The following AMMECR1 variants were observed in gnomAD, a reference collection of about 807,000 sequenced individuals.
AMMECR1 encodes the protein nuclear protein AMMECR1.
Under a neutral mutation model 22.5 loss-of-function variants are expected in AMMECR1, and 3 were observed. The observed-to-expected ratio is 0.13, with a 90% CI of 0.06 to 0.35. The LOEUF (loss-of-function observed/expected upper bound fraction) is 0.35. Among genes scored for constraint, AMMECR1 ranks in the 10% least tolerant of loss-of-function variants. The pLI is 1.00. For synonymous variants in AMMECR1, 130 were observed against 116.7 expected, an observed-to-expected ratio of 1.11 and a Z score of -0.74; for missense variants, 235 against 278.7, an observed-to-expected ratio of 0.84 and a Z score of 1.12.
intron 1 of AMMECR1, among the ~76,000 whole-genome samples, chrX:110,276,092 T>G (rs1450861505): frequency 9.0e-6 from 1 of 111,278 alleles, no homozygotes; most frequent in Admixed American, 9.6e-5. Context: ...TTTTCTATTC[T>G]GTTTCAGATT....
chrX:110,224,535 G>GAT (rs1266778549), intron 2 of AMMECR1, among the ~76,000 whole-genome samples: 14 of 108,788 alleles, frequency 1.3e-4, no homozygotes, highest in African/African-American at 4.5e-4. Flanking sequence ...ATAAAAAAAA[G>GAT]ATATATATAT....
intron 2 of AMMECR1, among the ~76,000 whole-genome samples, chrX:110,258,538 T>G (rs1163999403): frequency 8.9e-6 from 1 of 112,131 alleles, no homozygotes; most frequent in Non-Finnish European, 1.9e-5. Context: ...AACTATCAAA[T>G]TAGGTATAAG....
intron 2 of AMMECR1, among the ~76,000 whole-genome samples, chrX:110,418,649 T>C (rs112527037): frequency 0.017 from 1,939 of 111,486 alleles, 42 homozygotes; most frequent in African/African-American, 0.058. Flanking sequence ...TCCAACCATG[T>C]CTTGACCTCC....
At chrX:110,257,487 T>C (rs2067716786) in intron 2 of AMMECR1, among the ~76,000 whole-genome samples, 1 of 111,997 alleles carries the variant, frequency 8.9e-6, no homozygotes, top group Admixed American at 9.4e-5. Flanking sequence ...AAGATCATTT[T>C]CCCCTTTAAA....
At position 110,339,973 on chromosome X, in the gene AMMECR1, TACACACACACACACACACAC is replaced by T. The variant is rs35459612; in HGVS notation, c.-147-22144_-147-22125del. Among the ~76,000 whole-genome samples, 9 of 78,796 alleles carry T rather than the reference TACACACACACACACACACAC, an allele frequency of 1.1e-4. No homozygotes were observed. The South Asian group carries it at 1.9e-3, about 17-fold the overall frequency. The allele number at this position is 78,796 out of a possible 115,157, so 68.4% of individuals were successfully genotyped here. ...TTTTGCTGTAGTTGAAGGCAAAACA[TACACACACACACACACACAC>T]ACACACACACACACACACACACACA... On this transcript the variant is annotated intron_variant, in intron 2 of 7. Coordinates refer to the AMMECR1 transcript ENST00000372057.
At chrX:110,244,345 T>C (rs1342660021) in intron 2 of AMMECR1, among the ~76,000 whole-genome samples, 1 of 111,721 alleles carries the variant, frequency 9.0e-6, no homozygotes, top group African/African-American at 3.3e-5. Flanking sequence ...GGGATGTAAC[T>C]TGGGCTGCTT....
intron 2 of AMMECR1, among the ~76,000 whole-genome samples, chrX:110,374,804 T>G (rs2068364649): frequency 9.3e-6 from 1 of 107,846 alleles, no homozygotes. Flanking sequence ...GAGCTTGGGG[T>G]GGATATGTGG....
At chrX:110,258,941 A>G (rs2067724465) in intron 2 of AMMECR1, among the ~76,000 whole-genome samples, 1 of 112,042 alleles carries the variant, frequency 8.9e-6, no homozygotes, top group South Asian at 3.7e-4. Flanking sequence ...TATGACAGGG[A>G]AAATATTATG....
Position 110,230,019 on chromosome X carries a change from G to C in AMMECR1, c.585-13387C>G, listed in dbSNP as rs192269504. Among the ~76,000 whole-genome samples, 9 of 112,999 alleles carry C rather than the reference G, an allele frequency of 8.0e-5. No homozygotes were observed. The East Asian group carries it at 2.5e-3, about 32-fold the overall frequency. ...GCAGCCAGGAAGCTCGAACTGGGCG[G>C]AGCCCACCTCAGCTCAACAACGCCT... On this transcript the variant is annotated intron_variant, in intron 2 of 5. Transcript: ENST00000262844.
In AMMECR1 at chrX:110,359,444, A is replaced by T. The variant is rs766766828; in HGVS notation, c.-147-41595T>A. Among the ~76,000 whole-genome samples, 26 of 110,802 alleles carry T rather than the reference A, an allele frequency of 2.3e-4. No homozygotes were observed. In the South Asian group the frequency reaches 5.8e-3, roughly 25 times the overall value. On this transcript the variant is annotated intron_variant, in intron 2 of 7. Coordinates refer to the AMMECR1 transcript ENST00000372057. ...TTTTTTCCATAAATTATCCCATCTC[A>T]ACTTGGGAAGTCACAATGGGAAGTA...
In AMMECR1 at chrX:110,195,880, A is replaced by G. The variant is rs769623108; in HGVS notation, c.*2640T>C. On this transcript the variant is annotated 3_prime_UTR_variant, in exon 6 of 6. Transcript: ENST00000262844. ...TTTGTATAACACCCTTTACACTACA[A>G]AGTCTTTTAGTCAAAAGCTACTTAG... 1 of 112,114 alleles carries G rather than the reference A, an allele frequency of 8.9e-6. No individual in the cohort carries two copies. The highest frequency in any genetic ancestry group is 3.7e-4 in the South Asian group (1 of 2,688). 9.2% of individuals were successfully genotyped at this position (112,114 alleles called of 1,213,427 possible).
rs759498096 is a variant in AMMECR1, at chrX:110,198,980, T to C, written c.888-346A>G. On this transcript the variant is annotated intron_variant, in intron 5 of 5. Coordinates refer to ENST00000262844, the MANE Select transcript of AMMECR1 (RefSeq NM_015365.3). ...AGAAATCTTCCACCTCTCCCTCTTT[T>C]ACTGTTCCTTTCTCTGTCCACACAT... Among the ~76,000 whole-genome samples, 138 of 112,103 alleles carry C rather than the reference T, an allele frequency of 1.2e-3. 2 individuals are homozygous for C. Among genetic ancestry groups the C allele is most frequent in the African/African-American group, 4.4e-3 (135 of 30,888 alleles).
chrX:110,198,569 A>G lies in AMMECR1; in HGVS notation c.953T>C (p.Phe318Ser). The change falls in exon 6 of 6, where the codon TTC becomes TCC. Residue 318 changes from phenylalanine (F) to serine (S), a missense_variant. This residue lies in a region of AMMECR1 where 111 missense variants were observed against 181.7 expected (regional missense o/e 0.61). Coordinates refer to ENST00000262844, the MANE Select transcript of AMMECR1 (RefSeq NM_015365.3). ...EYLAHRQHHHFQNGIGHPLPP... is the reference protein window; with the variant it reads ...EYLAHRQHHHSQNGIGHPLPP... ...AAGGGGATGCCCAATGCCATTTTGG[A>G]AATGATGATGCTGGCGATGAGCAAG... The G allele has an allele frequency of 8.3e-7, 1 of 1,202,776 alleles. No homozygotes were observed. The highest frequency in any genetic ancestry group is 1.1e-6 in the Non-Finnish European group (1 of 891,084).
chrX:110,387,571 C>T (rs2068464616), intron 2 of AMMECR1, among the ~76,000 whole-genome samples: 3 of 111,502 alleles, frequency 2.7e-5, no homozygotes, highest in East Asian at 2.8e-4. Context: ...TGTTTCTATT[C>T]CCTGACTTTG....
intron 2 of AMMECR1, among the ~76,000 whole-genome samples, chrX:110,412,276 G>A (rs961216726): frequency 8.9e-6 from 1 of 112,406 alleles, no homozygotes; most frequent in Non-Finnish European, 1.9e-5. Context: ...TGTCTTAGGA[G>A]TTTACCTTTG....
intron 3 of AMMECR1, among the ~76,000 whole-genome samples, chrX:110,209,958 G>A (rs748157291): frequency 2.7e-5 from 3 of 110,679 alleles, no homozygotes; most frequent in Non-Finnish European, 5.7e-5. Flanking sequence ...GGGAGTTTAT[G>A]GAATTCTGGG....
chrX:110,297,605 A>C (rs1201904307), intron 1 of AMMECR1, among the ~76,000 whole-genome samples: 1 of 111,575 alleles, frequency 9.0e-6, no homozygotes, highest in Non-Finnish European at 1.9e-5. Context: ...AAAATCAGCT[A>C]TTTTATTGAA....
At chrX:110,235,669 T>A (rs1383073896) in intron 2 of AMMECR1, among the ~76,000 whole-genome samples, 7 of 111,584 alleles carry the variant, frequency 6.3e-5, no homozygotes. Context: ...TGCAGGGACA[T>A]GGATGAAGTT....
chrX:110,266,865 G>A (rs1210012932), intron 1 of AMMECR1, among the ~76,000 whole-genome samples: 1 of 109,944 alleles, frequency 9.1e-6, no homozygotes, highest in Non-Finnish European at 1.9e-5. Flanking sequence ...ACAGGCCCTG[G>A]TGTGTGATGT....
Sources: gnomAD v4.1 joint callset for allele counts (sites outside exome capture counted in the v4.1 genomes callset) on GRCh38, gnomAD v4.1.1 for gene constraint, gnomAD v4.1.1 regional missense constraint, MANE v1.5 for transcripts, NCBI Gene and HGNC (gene_info 2026-07-23, HGNC 2026-07-21) for gene names.